The following PITPNC1 variants were observed in gnomAD, a reference collection of about 807,000 sequenced individuals.
The protein encoded by PITPNC1 is cytoplasmic phosphatidylinositol transfer protein 1.
A neutral mutation model predicts 44.7 loss-of-function variants in PITPNC1; 18 were observed. The observed-to-expected ratio is 0.40, with a 90% CI of 0.28 to 0.60. PITPNC1 has a LOEUF of 0.60. PITPNC1 is among the 20% of genes least tolerant of loss of function. The pLI is 0.39. For synonymous variants in PITPNC1, 141 were observed against 149.6 expected (o/e 0.94, Z 0.42); for missense variants, 290 against 418.4 (o/e 0.69, Z 2.68).
chr17:67,688,187 A>C (rs2042852607), intron 8 of PITPNC1, among the ~76,000 whole-genome samples: 1 of 151,494 alleles, frequency 6.6e-6, no homozygotes, highest in South Asian at 2.1e-4. Flanking sequence ...TAAAATACAA[A>C]ATTAGCTGGG....
chr17:67,425,185 G>T (rs886510574), intron 1 of PITPNC1, among the ~76,000 whole-genome samples: 1 of 64,094 alleles, frequency 1.6e-5, no homozygotes, highest in African/African-American at 6.5e-5. Context: ...CAGCCATGTT[G>T]TGCGCGCGCA....
chr17:67,653,880 A>C (rs2144371884), intron 6 of PITPNC1, among the ~76,000 whole-genome samples: 1 of 152,336 alleles, frequency 6.6e-6, no homozygotes, highest in African/African-American at 2.4e-5. Flanking sequence ...TCAGCCCTTC[A>C]CAAGGAGAGC....
intron 1 of PITPNC1, among the ~76,000 whole-genome samples, chr17:67,389,122 A>G (rs866790742): frequency 8.5e-5 from 13 of 152,234 alleles, no homozygotes; most frequent in Admixed American, 6.5e-5. Flanking sequence ...GGTTGTTGGC[A>G]GAATGCAGTT....
At chr17:67,485,072 C>T (rs2039758519) in intron 1 of PITPNC1, among the ~76,000 whole-genome samples, 2 of 152,324 alleles carry the variant, frequency 1.3e-5, no homozygotes, top group African/African-American at 4.8e-5. Flanking sequence ...GGTCAAGTGA[C>T]TTCCCTGAGG....
intron 1 of PITPNC1, among the ~76,000 whole-genome samples, chr17:67,420,488 G>A (rs2038657407): frequency 6.7e-6 from 1 of 149,344 alleles, no homozygotes; most frequent in African/African-American, 2.5e-5. Context: ...GCTGGAGCTC[G>A]GTGGCGCTAT....
intron 1 of PITPNC1, among the ~76,000 whole-genome samples, chr17:67,412,366 T>G (rs909183402): frequency 1.5e-4 from 23 of 152,036 alleles, no homozygotes; most frequent in African/African-American, 5.3e-4. Context: ...TGGCACAAGC[T>G]CCAGGAGCCT....
chr17:67,517,175 A>G (rs185316747), intron 1 of PITPNC1, among the ~76,000 whole-genome samples: 2 of 152,390 alleles, frequency 1.3e-5, no homozygotes, highest in East Asian at 1.9e-4. Context: ...GATGTGGCCA[A>G]GTACATAAAA....
intron 1 of PITPNC1, chr17:67,379,400 C>T: frequency 5.1e-6 from 5 of 983,314 alleles, no homozygotes; most frequent in Non-Finnish European, 6.0e-6. Flanking sequence ...AAGGTAAGAC[C>T]CAAGTACAAT....
chr17:67,679,232 G>A (rs1011388094), intron 8 of PITPNC1, among the ~76,000 whole-genome samples: 5 of 152,200 alleles, frequency 3.3e-5, no homozygotes, highest in Admixed American at 6.5e-5. Flanking sequence ...CAGCCTGGGC[G>A]ATAGAGCGAG....
intron 1 of PITPNC1, among the ~76,000 whole-genome samples, chr17:67,527,714 A>T (rs1003607565): frequency 5.9e-5 from 9 of 152,142 alleles, no homozygotes; most frequent in African/African-American, 2.2e-4. Flanking sequence ...AACAAAAAAA[A>T]GGAATATAGG....
intron 5 of PITPNC1, among the ~76,000 whole-genome samples, chr17:67,628,263 G>A (rs1048562390): frequency 2.0e-5 from 3 of 151,924 alleles, no homozygotes; most frequent in African/African-American, 7.3e-5. Flanking sequence ...TATTTTTGGT[G>A]ATAGCTCCCC....
intron 1 of PITPNC1, among the ~76,000 whole-genome samples, chr17:67,430,260 C>T (rs1382273822): frequency 6.6e-6 from 1 of 151,964 alleles, no homozygotes; most frequent in Non-Finnish European, 1.5e-5. Context: ...AATCCCAGCA[C>T]TTTGGGAGGC....
chr17:67,512,664 C>A (rs909080558), intron 1 of PITPNC1, among the ~76,000 whole-genome samples: 1 of 152,048 alleles, frequency 6.6e-6, no homozygotes, highest in Non-Finnish European at 1.5e-5. Context: ...ACTCTAAACT[C>A]CTTGATCACA....
At chr17:67,398,048 G>A (rs1408330189) in intron 1 of PITPNC1, among the ~76,000 whole-genome samples, 6 of 149,632 alleles carry the variant, frequency 4.0e-5, no homozygotes, top group African/African-American at 1.2e-4. Flanking sequence ...AGCCGAGATC[G>A]CGCCACTGCA....
chr17:67,494,224 G>A (rs759491237), intron 1 of PITPNC1, among the ~76,000 whole-genome samples: 11 of 28,322 alleles, frequency 3.9e-4, no homozygotes, highest in Non-Finnish European at 5.9e-4. Context: ...TTTTTGAGAC[G>A]TAGTCTTGCT....
At chr17:67,410,224 T>C (rs1286693688) in intron 1 of PITPNC1, among the ~76,000 whole-genome samples, 2 of 152,256 alleles carry the variant, frequency 1.3e-5, no homozygotes, top group African/African-American at 4.8e-5. Flanking sequence ...TTAGCAAGAA[T>C]TAAATAAGCA....
intron 5 of PITPNC1, among the ~76,000 whole-genome samples, chr17:67,610,999 C>A (rs1272500106): frequency 1.3e-5 from 2 of 151,300 alleles, no homozygotes; most frequent in African/African-American, 4.9e-5. Flanking sequence ...TGTTGGCTAA[C>A]AAGATGTCAT....
intron 1 of PITPNC1, among the ~76,000 whole-genome samples, chr17:67,428,738 G>A (rs1411470271): frequency 6.6e-6 from 1 of 151,600 alleles, no homozygotes; most frequent in Middle Eastern, 3.2e-3. Flanking sequence ...TCATTTACCT[G>A]CAGTAAGTAC....
chr17:67,650,287 G>C (rs2042195132), intron 6 of PITPNC1, among the ~76,000 whole-genome samples: 1 of 152,064 alleles, frequency 6.6e-6, no homozygotes, highest in Admixed American at 6.6e-5. Flanking sequence ...ACAGACTCTG[G>C]TACGGAGCAA....
Sources: allele counts gnomAD v4.1 joint callset (sites outside exome capture counted in the v4.1 genomes callset), GRCh38; gene constraint gnomAD v4.1.1; transcripts MANE v1.5; gene names NCBI Gene and HGNC (gene_info 2026-07-23, HGNC 2026-07-21).